GALNT14: variants seen among roughly 807,000 people sequenced by gnomAD.
GALNT14 encodes the protein polypeptide N-acetylgalactosaminyltransferase 14, also known as UDP-GalNAc:polypeptide N-acetylgalactosaminyltransferase 14.
In GALNT14, 60 loss-of-function variants were observed where a neutral mutation model predicts 77.5. That is an observed-to-expected ratio of 0.77 (90% CI 0.63 to 0.96). GALNT14 has a LOEUF of 0.96. Among genes scored for constraint, GALNT14 ranks in the 40% least tolerant of loss-of-function variants. GALNT14 has a pLI of 0.00. For synonymous variants in GALNT14, 280 were observed against 281.7 expected (o/e 0.99, Z 0.06); for missense variants, 710 against 731.0 (o/e 0.97, Z 0.33).
chr2:31,103,895 C>T (rs1244380899), intron 1 of GALNT14, among the ~76,000 whole-genome samples: 1 of 152,106 alleles, frequency 6.6e-6, no homozygotes, highest in African/African-American at 2.4e-5. Context: ...TGAAGTTCAC[C>T]CTCTACTAAT....
At chr2:30,981,653 G>A (rs981589394) in intron 2 of GALNT14, among the ~76,000 whole-genome samples, 1 of 151,998 alleles carries the variant, frequency 6.6e-6, no homozygotes, top group African/African-American at 2.4e-5. Flanking sequence ...GTAATCCAGG[G>A]CAGGGGGAGG....
At chr2:31,013,114 G>A (rs954609954) in intron 1 of GALNT14, among the ~76,000 whole-genome samples, 10 of 152,194 alleles carry the variant, frequency 6.6e-5, no homozygotes, top group Non-Finnish European at 1.2e-4. Context: ...CCTTGGGCAA[G>A]TCACTGGGAC....
intron 1 of GALNT14, among the ~76,000 whole-genome samples, chr2:31,005,381 T>C (rs1670610046): frequency 6.6e-6 from 1 of 152,120 alleles, no homozygotes; most frequent in African/African-American, 2.4e-5. Context: ...ACATATCCTT[T>C]CTGGTCAGTT....
At chr2:31,029,579 A>T (rs1217205293) in intron 1 of GALNT14, among the ~76,000 whole-genome samples, 1 of 152,234 alleles carries the variant, frequency 6.6e-6, no homozygotes, top group Non-Finnish European at 1.5e-5. Context: ...CGCACAGGTC[A>T]CAACCTTTAA....
intron 1 of GALNT14, among the ~76,000 whole-genome samples, chr2:31,041,609 G>C (rs1443698431): frequency 3.9e-5 from 6 of 152,174 alleles, no homozygotes; most frequent in African/African-American, 1.4e-4. Context: ...CGTGGGCAGG[G>C]CTTGGGATCC....
At chr2:31,130,761 T>C (rs1678939152) in intron 1 of GALNT14, among the ~76,000 whole-genome samples, 1 of 141,290 alleles carries the variant, frequency 7.1e-6, no homozygotes, top group African/African-American at 3.0e-5. Flanking sequence ...TGTGTGTGTG[T>C]GTGTGTGTGT....
rs149512525 is a variant in GALNT14, at chr2:30,942,420, T to C, written c.828-116A>G. The C allele has an allele frequency of 1.9e-3, 1,357 of 702,250 alleles. 11 individuals carry two copies. The highest frequency in any genetic ancestry group is 0.018 in the Middle Eastern group (68 of 3,720). 43.5% of individuals were successfully genotyped at this position (702,250 alleles called of 1,614,324 possible). A position where few individuals can be genotyped will look rare whatever the true frequency, so the allele number is the denominator to read the frequency against. On this transcript the variant is annotated intron_variant, in intron 8 of 14. Coordinates refer to ENST00000349752, the MANE Select transcript of GALNT14 (RefSeq NM_024572.4). ...TCCCATTTGGGGAAAGAAAACCCCA[T>C]TGAGGGAAGAAAACTCTCATTTTCT... is the stretch of plus-strand genomic sequence containing the variant.
chr2:31,060,804 C>T lies in GALNT14; in HGVS notation c.130-67797G>A, dbSNP rs371221052. ...GCCAATTCTGCAGAACCACCTGGCTCTCTTTTGCATTGTCCTTCATCTTGC... is the reference window on the plus strand; with the variant it reads ...GCCAATTCTGCAGAACCACCTGGCTTTCTTTTGCATTGTCCTTCATCTTGC... On this transcript the variant is annotated intron_variant, in intron 1 of 14. Transcript: ENST00000349752. Among the ~76,000 whole-genome samples, 181 of 152,304 alleles carry T rather than the reference C, an allele frequency of 1.2e-3. 4 individuals are homozygous for T. In the South Asian group the frequency reaches 0.018, roughly 15 times the overall value.
chr2:30,980,350 T>C (rs560244026), intron 2 of GALNT14, among the ~76,000 whole-genome samples: 9 of 152,356 alleles, frequency 5.9e-5, no homozygotes, highest in African/African-American at 2.2e-4. Context: ...GAACTGTTGC[T>C]GGTCCTGATG....
intron 1 of GALNT14, among the ~76,000 whole-genome samples, chr2:31,110,538 T>C (rs927692106): frequency 8.5e-5 from 13 of 152,184 alleles, no homozygotes; most frequent in African/African-American, 3.1e-4. Flanking sequence ...AGCAGCCACT[T>C]AGAGCACTAG....
At chr2:31,028,722 A>G (rs1351647636) in intron 1 of GALNT14, among the ~76,000 whole-genome samples, 1 of 152,228 alleles carries the variant, frequency 6.6e-6, no homozygotes, top group African/African-American at 2.4e-5. Flanking sequence ...GGGGCCAGCC[A>G]TCAGCCCAGG....
At chr2:31,028,420 GAGACCCT>G (rs900711758) in intron 1 of GALNT14, among the ~76,000 whole-genome samples, 10 of 152,218 alleles carry the variant, frequency 6.6e-5, no homozygotes, top group Non-Finnish European at 1.5e-4. Flanking sequence ...GAACTAGAAA[GAGACCCT>G]AATTCAGCCC....
chr2:31,138,037 C>CA lies in GALNT14; in HGVS notation c.49dup (p.Trp17LeufsTer22). 6.2e-7 allele frequency: 1 copy of CA among 1,613,864 alleles called. No homozygotes were observed. Among genetic ancestry groups the CA allele is most frequent in the Non-Finnish European group, 8.5e-7 (1 of 1,179,806 alleles). On this transcript the variant is annotated frameshift_variant, in exon 1 of 15. Coordinates refer to ENST00000349752, the MANE Select transcript of GALNT14 (RefSeq NM_024572.4). LOFTEE classifies it high-confidence loss of function. ...CCAGAAGAACAGCAGCACCGTGATC[C>CA]AGAGCACCCCGAAGACTGGCAGAAC...
chr2:30,899,498 T>G, the GALNT14 span, among the ~76,000 whole-genome samples: 4 of 152,050 alleles, frequency 2.6e-5, no homozygotes, highest in Non-Finnish European at 5.9e-5. Flanking sequence ...TGAGGCCAGG[T>G]AATATTTACT....
At chr2:31,020,245 T>A (rs1418650376) in intron 1 of GALNT14, among the ~76,000 whole-genome samples, 1 of 152,190 alleles carries the variant, frequency 6.6e-6, no homozygotes. Flanking sequence ...CAGAACTGTA[T>A]TTTTTAATTA....
chr2:30,933,477 C>G (rs1665869867), intron 9 of GALNT14, among the ~76,000 whole-genome samples: 1 of 152,168 alleles, frequency 6.6e-6, no homozygotes, highest in Non-Finnish European at 1.5e-5. Flanking sequence ...TCCCCAGCCA[C>G]CTTTACCTGT....
intron 14 of GALNT14, among the ~76,000 whole-genome samples, chr2:30,911,278 G>A (rs1232335038): frequency 1.3e-5 from 2 of 152,016 alleles, no homozygotes; most frequent in Admixed American, 6.6e-5. Context: ...AAATCAATAT[G>A]TTTACTAGGA....
intron 1 of GALNT14, among the ~76,000 whole-genome samples, chr2:31,049,104 C>T (rs1226070936): frequency 6.6e-6 from 1 of 152,172 alleles, no homozygotes; most frequent in East Asian, 1.9e-4. Flanking sequence ...TTTCATCTAG[C>T]GATTCTCTAC....
At chr2:30,962,225 G>C (rs1667737206) in intron 3 of GALNT14, among the ~76,000 whole-genome samples, 1 of 152,160 alleles carries the variant, frequency 6.6e-6, no homozygotes, top group African/African-American at 2.4e-5. Flanking sequence ...AATGATGTCA[G>C]GTAGTTATTA....
Sources: allele counts gnomAD v4.1 joint callset (sites outside exome capture counted in the v4.1 genomes callset), GRCh38; gene constraint gnomAD v4.1.1; transcripts MANE v1.5; gene names NCBI Gene and HGNC (gene_info 2026-07-23, HGNC 2026-07-21).